The following RYR1 variants were observed in gnomAD, a reference collection of about 807,000 sequenced individuals.
The protein encoded by RYR1 is ryanodine receptor 1.
In RYR1, 342 loss-of-function variants were observed where a neutral mutation model predicts 583.5. That is an observed-to-expected ratio of 0.59 (90% CI 0.54 to 0.64). The LOEUF (loss-of-function observed/expected upper bound fraction) is 0.64, where lower values mean the gene tolerates loss of function less well. Among genes scored for constraint, RYR1 ranks in the 30% least tolerant of loss-of-function variants. The pLI is 0.00. For missense variants in RYR1, 6,032 were observed against 6,917.2 expected, an observed-to-expected ratio of 0.87 and a Z score of 4.54; for synonymous variants, 2,791 against 2,822.5, an observed-to-expected ratio of 0.99 and a Z score of 0.35.
intron 12 of RYR1, among the ~76,000 whole-genome samples, chr19:38,452,227 A>T (rs1967113588): frequency 6.6e-6 from 1 of 150,938 alleles, no homozygotes; most frequent in Non-Finnish European, 1.5e-5. Flanking sequence ...GCTTGAGCCC[A>T]GGAGTTCGAG....
chr19:38,569,012 G>T lies in RYR1; in HGVS notation c.13659+1095G>T, dbSNP rs1016579391. ...TAGGGAGATCCCTGTCTCTACAAAA[G>T]AATTTTTTTTTTTTTTGAGACGGAG... On this transcript the variant is annotated intron_variant, in intron 93 of 105. Transcript: ENST00000359596. Among the ~76,000 whole-genome samples, 7 of 150,554 alleles carry T rather than the reference G, an allele frequency of 4.6e-5. No individual in the cohort carries two copies. In the East Asian group the frequency reaches 1.0e-3, roughly 22 times the overall value.
chr19:38,506,156 G>A (rs1568512825), intron 54 of RYR1, 147 bp from the exon 55 acceptor site: 1 of 1,042,182 alleles, frequency 9.6e-7, no homozygotes, highest in Non-Finnish European at 1.4e-6. Context: ...GGGTGGTTTA[G>A]AGACAGGGCC....
At position 38,561,781 on chromosome 19, in the gene RYR1, C is replaced by A. The variant is rs1020302272; in HGVS notation, c.12624+327C>A. ...CACACCCTGGGAGCTCTGGCAGGCC[C>A]TTATAGCCCTGATGCAGCCCTACCC... On this transcript the variant is annotated intron_variant, in intron 90 of 105. Coordinates refer to ENST00000359596, the MANE Select transcript of RYR1 (RefSeq NM_000540.3). The surrounding 1 kb of genome is among the most constrained non-coding windows in gnomAD (Gnocchi z 4.8). Among the ~76,000 whole-genome samples the A allele has an allele frequency of 2.0e-5, 3 of 152,092 alleles. No homozygotes were observed. The highest frequency in any genetic ancestry group is 4.8e-5 in the African/African-American group (2 of 41,416).
chr19:38,540,392 C>T (rs1336978468), intron 84 of RYR1, among the ~76,000 whole-genome samples: 1 of 140,274 alleles, frequency 7.1e-6, no homozygotes, highest in East Asian at 2.1e-4. Context: ...CAATCATATA[C>T]TACAGTATAA....
chr19:38,566,845 A>G (rs1467040494), intron 91 of RYR1, 66 bp from the exon 92 acceptor site: 1 of 1,558,452 alleles, frequency 6.4e-7, no homozygotes, highest in Admixed American at 1.9e-5. Flanking sequence ...AGATGAGAGG[A>G]GCAGGCAGGC....
chr19:38,463,136 G>A (rs1329870605), intron 20 of RYR1, among the ~76,000 whole-genome samples: 2 of 57,374 alleles, frequency 3.5e-5, no homozygotes, highest in South Asian at 4.0e-4. Flanking sequence ...GACCTCAGGC[G>A]ATCTGCCCCC....
intron 76 of RYR1, among the ~76,000 whole-genome samples, chr19:38,530,987 C>CTTTT (rs59244176): frequency 1.5e-4 from 20 of 129,372 alleles, no homozygotes; most frequent in Non-Finnish European, 2.3e-4. Flanking sequence ...TTTTCTTTCT[C>CTTTT]TTTTTTTTTT....
At position 38,513,747 on chromosome 19, in the gene RYR1, A is replaced by AAT. The variant is rs1226218011; in HGVS notation, c.9472+1265_9472+1266insTA. Among the ~76,000 whole-genome samples the AAT allele has an allele frequency of 7.2e-5, 11 of 152,222 alleles. No individual in the cohort carries two copies. In the East Asian group the frequency reaches 2.1e-3, roughly 29 times the overall value. The stretch of plus-strand genomic sequence containing the variant: ...CAAGACTCCATCTCAAAAAAAAAAA[A>AAT]AGAAAATTGTTAACAATTTGCCCTG... On this transcript the variant is annotated intron_variant, in intron 63 of 105. Coordinates refer to ENST00000359596, the MANE Select transcript of RYR1 (RefSeq NM_000540.3).
intron 87 of RYR1, among the ~76,000 whole-genome samples, chr19:38,545,127 T>A (rs1972368277): frequency 6.6e-6 from 1 of 151,776 alleles, no homozygotes; most frequent in Admixed American, 6.6e-5. Flanking sequence ...CACATGTCCC[T>A]CCCTGAACCA....
In RYR1 at chr19:38,496,823, A is replaced by G; in HGVS notation, c.6797-37A>G. 1 of 1,578,114 alleles carries G rather than the reference A, an allele frequency of 6.3e-7. No homozygotes were observed. Among genetic ancestry groups the G allele is most frequent in the Non-Finnish European group, 8.7e-7 (1 of 1,148,062 alleles). On this transcript the variant is annotated intron_variant, in intron 41 of 105. Transcript: ENST00000359596. This position sits in a 1 kb window ranked among gnomAD's most constrained non-coding sequence, Gnocchi z 4.8. ...GCTTCCCAGAGGAGGCGAGACAAGCAGGAGTGAGATGTTCTCCCCACCTCT... is the reference window on the plus strand; with the variant it reads ...GCTTCCCAGAGGAGGCGAGACAAGCGGGAGTGAGATGTTCTCCCCACCTCT...
intron 1 of RYR1, among the ~76,000 whole-genome samples, chr19:38,439,194 T>G (rs73044967): frequency 0.067 from 10,126 of 152,000 alleles, 350 homozygotes; most frequent in African/African-American, 0.079. Context: ...CTATTTTTTT[T>G]TTTGTTTGTT....
chr19:38,567,610 G>A (rs905480876), intron 92 of RYR1, among the ~76,000 whole-genome samples, 163 bp from the exon 93 acceptor site: 9 of 152,168 alleles, frequency 5.9e-5, no homozygotes, highest in African/African-American at 2.2e-4. Context: ...TTGGACTGGA[G>A]CCCCATAAGG....
At chr19:38,446,588 C>T (rs749053820) in intron 8 of RYR1, 23 bp downstream of exon 8, 63 of 1,609,246 alleles carry the variant, frequency 3.9e-5, no homozygotes, top group Non-Finnish European at 5.1e-5. Flanking sequence ...GACGAGAGGG[C>T]CTGGGGTCTA....
At chr19:38,506,229 G>C in intron 54 of RYR1, 74 bp from the exon 55 acceptor site, 1 of 1,488,530 alleles carries the variant, frequency 6.7e-7, no homozygotes, top group Non-Finnish European at 9.3e-7. Flanking sequence ...GGACTAGTGG[G>C]GCCTGGGGAG....
intron 48 of RYR1, 49 bp downstream of exon 48, chr19:38,502,776 GGGGC>G: frequency 8.4e-7 from 1 of 1,184,398 alleles, no homozygotes. Context: ...GGCAGGGGCA[GGGGC>G]AGGGGCAGGG....
chr19:38,536,790 G>T, intron 83 of RYR1, 23 bp downstream of exon 83: 1 of 1,608,808 alleles, frequency 6.2e-7, no homozygotes, highest in Non-Finnish European at 8.5e-7. Flanking sequence ...GCCCACCCCC[G>T]TGCTGTGCTG....
chr19:38,548,981 G>A (rs563885132), intron 89 of RYR1, among the ~76,000 whole-genome samples: 2 of 152,256 alleles, frequency 1.3e-5, no homozygotes, highest in South Asian at 4.2e-4. Flanking sequence ...ATTGTGAATA[G>A]GCATCAGTTA....
At position 38,585,369 on chromosome 19, in the gene RYR1, G is replaced by GAT. The variant is rs3039200; in HGVS notation, c.14803+287_14803+288dup. Among the ~76,000 whole-genome samples the GAT allele has an allele frequency of 0.046, 6,421 of 140,960 alleles. 327 individuals carry two copies. Among genetic ancestry groups the GAT allele is most frequent in the African/African-American group, 0.12 (4,651 of 38,424 alleles). The allele number at this position is 140,960 out of a possible 152,430, so 92.5% of individuals were successfully genotyped here. On this transcript the variant is annotated intron_variant, in intron 102 of 105. Coordinates refer to ENST00000359596, the MANE Select transcript of RYR1 (RefSeq NM_000540.3). ...ATATGAGTGCTCAATAAAGGCCTGA[G>GAT]ATATATATATATATATATGTTTATT...
At chr19:38,458,780 A>C (rs1381344105) in intron 18 of RYR1, among the ~76,000 whole-genome samples, 1 of 152,054 alleles carries the variant, frequency 6.6e-6, no homozygotes, top group Non-Finnish European at 1.5e-5. Flanking sequence ...ATGCACCACC[A>C]CGCCCGGCTC....
Sources: allele counts gnomAD v4.1 joint callset (sites outside exome capture counted in the v4.1 genomes callset), GRCh38; gene constraint gnomAD v4.1.1; non-coding constraint Gnocchi (gnomAD v3.1); transcripts MANE v1.5; gene names NCBI Gene and HGNC (gene_info 2026-07-23, HGNC 2026-07-21).